CTNNA2: variants seen among roughly 807,000 people sequenced by gnomAD.
CTNNA2 encodes catenin alpha-2.
Under a neutral mutation model 101.0 loss-of-function variants are expected in CTNNA2, and 42 were observed. The observed-to-expected ratio is 0.42, with a 90% CI of 0.32 to 0.54. The LOEUF is 0.54. Ranked by LOEUF, CTNNA2 falls within the 20% of genes least tolerant of loss-of-function variation. The pLI is 0.14. For missense variants in CTNNA2, 871 were observed against 1,223.1 expected (o/e 0.71, Z 4.29); for synonymous variants, 450 against 456.4 (o/e 0.99, Z 0.18).
intron 7 of CTNNA2, among the ~76,000 whole-genome samples, chr2:80,365,101 C>T (rs1390311550): frequency 6.6e-6 from 1 of 152,108 alleles, no homozygotes; most frequent in East Asian, 1.9e-4. Flanking sequence ...TTCCCATTCC[C>T]CTGTAATTGG....
chr2:79,275,216 AGCATATAGGCTGT>A (rs1558596226), intron 2 of CTNNA2, among the ~76,000 whole-genome samples: 1 of 151,770 alleles, frequency 6.6e-6, no homozygotes, highest in Admixed American at 6.6e-5. Flanking sequence ...ACAAAATGAC[AGCATATAGGCTGT>A]GCCCAAAAGA....
intron 7 of CTNNA2, among the ~76,000 whole-genome samples, chr2:80,306,148 T>C (rs1676922623): frequency 6.6e-6 from 1 of 152,162 alleles, no homozygotes; most frequent in Non-Finnish European, 1.5e-5. Context: ...CCATTTTGTA[T>C]TCATCTGAGC....
intron 4 of CTNNA2, among the ~76,000 whole-genome samples, chr2:79,485,787 A>G (rs1671151837): frequency 6.6e-6 from 1 of 152,188 alleles, no homozygotes. Flanking sequence ...TTTTAGATTC[A>G]TAGATCTCTT....
intron 7 of CTNNA2, among the ~76,000 whole-genome samples, chr2:80,352,254 A>G (rs534329292): frequency 9.1e-4 from 139 of 152,186 alleles, no homozygotes; most frequent in Non-Finnish European, 1.7e-3. Flanking sequence ...GCTGATAACA[A>G]TAAAACAATA....
At chr2:80,367,095 G>T (rs1203239336) in intron 7 of CTNNA2, among the ~76,000 whole-genome samples, 1 of 151,510 alleles carries the variant, frequency 6.6e-6, no homozygotes, top group Non-Finnish European at 1.5e-5. Context: ...GGATGACTTT[G>T]AATAGAATGG....
At chr2:79,735,307 GA>G (rs1190321020) in intron 2 of CTNNA2, among the ~76,000 whole-genome samples, 2 of 152,086 alleles carry the variant, frequency 1.3e-5, no homozygotes, top group Non-Finnish European at 2.9e-5. Context: ...GGTGCATGAA[GA>G]AAAGGCTGCT....
intron 9 of CTNNA2, among the ~76,000 whole-genome samples, chr2:80,470,767 A>G (rs11899864): frequency 0.048 from 7,349 of 152,276 alleles, 587 homozygotes; most frequent in African/African-American, 0.16. Context: ...AAGAAGACCA[A>G]TTAATAAAGA....
chr2:80,094,305 C>A (rs1699997768), intron 7 of CTNNA2, among the ~76,000 whole-genome samples: 1 of 152,034 alleles, frequency 6.6e-6, no homozygotes, highest in Non-Finnish European at 1.5e-5. Flanking sequence ...TGTCAAAGAT[C>A]AGATAGTTGT....
intron 9 of CTNNA2, among the ~76,000 whole-genome samples, chr2:80,526,268 C>A (rs1690023376): frequency 6.6e-6 from 1 of 152,070 alleles, no homozygotes; most frequent in Non-Finnish European, 1.5e-5. Flanking sequence ...GGTGCGATCT[C>A]AGCTCACTGA....
At chr2:80,632,277 A>AACAC (rs141371762) in intron 18 of CTNNA2, among the ~76,000 whole-genome samples, 71 of 147,778 alleles carry the variant, frequency 4.8e-4, no homozygotes, top group African/African-American at 1.5e-3. Flanking sequence ...CCCCCACCCC[A>AACAC]ACACACACAC....
chr2:79,475,679 C>CATTTTTT (rs10626335), intron 4 of CTNNA2, among the ~76,000 whole-genome samples: 2 of 149,686 alleles, frequency 1.3e-5, no homozygotes, highest in African/African-American at 2.5e-5. Context: ...TCTTTGAATA[C>CATTTTTT]TTTTTTTTTT....
chr2:80,308,072 C>A (rs916971952), intron 7 of CTNNA2, among the ~76,000 whole-genome samples: 4 of 152,164 alleles, frequency 2.6e-5, no homozygotes, highest in African/African-American at 9.7e-5. Context: ...TCTCTTCAAC[C>A]TTGTAAATTA....
intron 7 of CTNNA2, among the ~76,000 whole-genome samples, chr2:80,285,936 A>T (rs1674728607): frequency 6.6e-6 from 1 of 152,132 alleles, no homozygotes; most frequent in Non-Finnish European, 1.5e-5. Flanking sequence ...AATTGCATCT[A>T]ATCCACTTGA....
At chr2:79,659,532 C>A (rs573550340) in intron 2 of CTNNA2, among the ~76,000 whole-genome samples, 46 of 152,216 alleles carry the variant, frequency 3.0e-4, no homozygotes, top group Admixed American at 2.9e-3. Context: ...ATGTGAACTC[C>A]ATTAAGACTG....
At chr2:80,058,932 A>T (rs1001617412) in intron 7 of CTNNA2, among the ~76,000 whole-genome samples, 1 of 152,202 alleles carries the variant, frequency 6.6e-6, no homozygotes, top group African/African-American at 2.4e-5. Context: ...CCTGATTTAC[A>T]TGATATCTGC....
intron 7 of CTNNA2, among the ~76,000 whole-genome samples, chr2:80,383,932 G>C (rs112340782): frequency 2.0e-5 from 3 of 152,004 alleles, no homozygotes; most frequent in African/African-American, 7.3e-5. Flanking sequence ...GACCATCAAC[G>C]GTAGAATGGA....
chr2:80,254,064 G>A (rs1443107011), intron 7 of CTNNA2, among the ~76,000 whole-genome samples: 1 of 152,002 alleles, frequency 6.6e-6, no homozygotes, highest in Non-Finnish European at 1.5e-5. Flanking sequence ...TCAAATCCTA[G>A]GCCTCTGGTA....
chr2:80,040,043 T>C (rs1450552837), intron 7 of CTNNA2, among the ~76,000 whole-genome samples: 4 of 152,232 alleles, frequency 2.6e-5, no homozygotes, highest in African/African-American at 9.6e-5. Context: ...GGAAAGCTTG[T>C]TGATCTTTCT....
intron 7 of CTNNA2, among the ~76,000 whole-genome samples, chr2:80,065,031 C>T (rs1201504733): frequency 1.3e-5 from 2 of 152,070 alleles, no homozygotes; most frequent in Non-Finnish European, 2.9e-5. Context: ...GTTTATCCTC[C>T]AAGTAAAAAC....
Sources: allele counts gnomAD v4.1 joint callset (sites outside exome capture counted in the v4.1 genomes callset), GRCh38; gene constraint gnomAD v4.1.1; transcripts MANE v1.5; gene names NCBI Gene and HGNC (gene_info 2026-07-23, HGNC 2026-07-21).